Variants in C16orf78 observed in about 807,000 individuals in gnomAD.
C16orf78 encodes the protein chromosome 16 open reading frame 78, also known as uncharacterized protein C16orf78.
In C16orf78, 19 loss-of-function variants were observed where a neutral mutation model predicts 27.3. That is an observed-to-expected ratio of 0.70 (90% CI 0.49 to 1.02). The LOEUF (loss-of-function observed/expected upper bound fraction) is 1.02. Among genes scored for constraint, C16orf78 ranks in the 50% least tolerant of loss-of-function variants. The pLI is 0.00. For synonymous variants in C16orf78, 130 were observed against 116.1 expected (o/e 1.12, Z -0.77); for missense variants, 339 against 337.0 (o/e 1.01, Z -0.05).
chr16:49,393,274 A>G lies in C16orf78; in HGVS notation c.395-3149A>G, dbSNP rs543144708. ...AACCAAATAGAAGATCATATAGACA[A>G]TAACAGGAAATACATAGAAGAATGT... On this transcript the variant is annotated intron_variant, in intron 3 of 4. Transcript: ENST00000299191. Among the ~76,000 whole-genome samples, 31 of 152,340 alleles carry G rather than the reference A, an allele frequency of 2.0e-4. No homozygotes were observed. The East Asian group carries it at 5.6e-3, about 27-fold the overall frequency.
Position 49,390,476 on chromosome 16 carries a change from T to C in C16orf78, c.395-5947T>C, listed in dbSNP as rs76195516. ...GGTATAGCTTCAAGTCCACTAATCT[T>C]TTCTTCTCCAATACCTAATCTTCTG... On this transcript the variant is annotated intron_variant, in intron 3 of 4. Transcript: ENST00000299191. 9.0e-3 allele frequency among the ~76,000 whole-genome samples: 1,377 copies of C among 152,326 alleles called. 17 individuals carry two copies. The highest frequency in any genetic ancestry group is 0.037 in the East Asian group (190 of 5,190).
chr16:49,376,299 G>A (rs1431313376), intron 1 of C16orf78, among the ~76,000 whole-genome samples: 1 of 152,246 alleles, frequency 6.6e-6, no homozygotes, highest in African/African-American at 2.4e-5. Flanking sequence ...GAGGTCTGAA[G>A]TCTCAGCCAT....
chr16:49,377,378 G>T (rs572654567), intron 1 of C16orf78, among the ~76,000 whole-genome samples: 1 of 152,244 alleles, frequency 6.6e-6, no homozygotes, highest in African/African-American at 2.4e-5. Flanking sequence ...CACACTGGAG[G>T]CAGGGGCAGG....
At chr16:49,384,368 A>AAAAAAAAAAAAAAAAAAAAAAAAAAG (rs1567391927) in intron 3 of C16orf78, among the ~76,000 whole-genome samples, 1 of 143,164 alleles carries the variant, frequency 7.0e-6, no homozygotes. Context: ...AAAAAAAAAA[A>AAAAAAAAAAAAAAAAAAAAAAAAAAG]GCAGAAAACT....
chr16:49,393,239 C>T (rs1053430578), intron 3 of C16orf78, among the ~76,000 whole-genome samples: 3 of 152,154 alleles, frequency 2.0e-5, no homozygotes, highest in Non-Finnish European at 2.9e-5. Flanking sequence ...TTTTAATACA[C>T]CTCCTTCAGA....
intron 4 of C16orf78, 83 bp downstream of exon 4, chr16:49,396,761 G>T: frequency 6.7e-7 from 1 of 1,501,130 alleles, no homozygotes. Context: ...CAAACACCTT[G>T]GCTTAGCCTG....
chr16:49,378,219 G>T, intron 2 of C16orf78, among the ~76,000 whole-genome samples: 1 of 152,060 alleles, frequency 6.6e-6, no homozygotes, highest in East Asian at 1.9e-4. Context: ...GGCCTCCGAG[G>T]GCCTGTGTTT....
At chr16:49,388,985 T>G (rs1280211935) in intron 3 of C16orf78, among the ~76,000 whole-genome samples, 2 of 152,284 alleles carry the variant, frequency 1.3e-5, no homozygotes, top group East Asian at 1.9e-4. Context: ...TCTAAAAATA[T>G]GTGGAAATTA....
At chr16:49,396,724 A>G (rs1965480413) in intron 4 of C16orf78, 46 bp downstream of exon 4, 1 of 1,583,818 alleles carries the variant, frequency 6.3e-7, no homozygotes, top group African/African-American at 1.3e-5. Flanking sequence ...GTCCTGGAAC[A>G]GGCTTTGCTC....
chr16:49,391,320 T>C (rs958868061), intron 3 of C16orf78, among the ~76,000 whole-genome samples: 6 of 152,130 alleles, frequency 3.9e-5, no homozygotes, highest in Non-Finnish European at 7.4e-5. Context: ...CAGAATATTG[T>C]GTAGATGCCA....
intron 2 of C16orf78, 58 bp from the exon 3 acceptor site, chr16:49,378,412 G>T (rs938955852): frequency 3.3e-6 from 5 of 1,535,054 alleles, no homozygotes; most frequent in Admixed American, 2.2e-5. Context: ...GGGATGGAGC[G>T]GGGAGGGCGA....
intron 1 of C16orf78, among the ~76,000 whole-genome samples, chr16:49,376,075 A>C (rs1965213307): frequency 6.6e-6 from 1 of 152,180 alleles, no homozygotes; most frequent in South Asian, 2.1e-4. Context: ...GAAGCTTCTA[A>C]GAGGAAGATG....
chr16:49,378,288 G>A (rs1360857818), intron 2 of C16orf78, among the ~76,000 whole-genome samples, 182 bp from the exon 3 acceptor site: 1 of 152,216 alleles, frequency 6.6e-6, no homozygotes, highest in Non-Finnish European at 1.5e-5. Context: ...GCGTTGGTGA[G>A]CAAGCACCCG....
chr16:49,377,462 G>A (rs1449127809), intron 1 of C16orf78, among the ~76,000 whole-genome samples: 1 of 152,106 alleles, frequency 6.6e-6, no homozygotes, highest in Non-Finnish European at 1.5e-5. Flanking sequence ...GCCCTTATGT[G>A]GGGGGTGATG....
chr16:49,399,091 C>T, intron 4 of C16orf78, 40 bp from the exon 5 acceptor site: 3 of 1,603,648 alleles, frequency 1.9e-6, no homozygotes. Flanking sequence ...GCTGCTGTGA[C>T]TCCACCTTCA....
intron 3 of C16orf78, among the ~76,000 whole-genome samples, chr16:49,386,995 A>G (rs948661181): frequency 2.0e-5 from 3 of 152,146 alleles, no homozygotes; most frequent in African/African-American, 7.2e-5. Flanking sequence ...TGATAGTTCT[A>G]CTTTTAGTTC....
chr16:49,381,857 G>T (rs200232319), intron 3 of C16orf78, among the ~76,000 whole-genome samples: 31,004 of 151,964 alleles, frequency 0.2, 3,550 homozygotes, highest in African/African-American at 0.3. Flanking sequence ...TCAGTGTGGT[G>T]ATTCCTCAGG....
At chr16:49,380,500 G>A (rs1258755304) in intron 3 of C16orf78, among the ~76,000 whole-genome samples, 1 of 152,166 alleles carries the variant, frequency 6.6e-6, no homozygotes, top group African/African-American at 2.4e-5. Context: ...TGGAGCTTCT[G>A]TAAATCTTGC....
chr16:49,383,862 C>G (rs993149547), intron 3 of C16orf78, among the ~76,000 whole-genome samples: 3 of 152,114 alleles, frequency 2.0e-5, no homozygotes, highest in Non-Finnish European at 4.4e-5. Flanking sequence ...CTTCATTACA[C>G]CACTAAAATA....
Sources: gnomAD v4.1 joint callset for allele counts (sites outside exome capture counted in the v4.1 genomes callset) on GRCh38, gnomAD v4.1.1 for gene constraint, MANE v1.5 for transcripts, NCBI Gene and HGNC (gene_info 2026-07-23, HGNC 2026-07-21) for gene names.